The following FRMD4A variants were observed in gnomAD, a reference collection of about 807,000 sequenced individuals.
The protein encoded by FRMD4A is FERM domain containing 4A.
Under a neutral mutation model 129.1 loss-of-function variants are expected in FRMD4A, and 29 were observed. The ratio of observed to expected loss-of-function variants is 0.22; its 90% CI spans 0.17 to 0.31. FRMD4A has a LOEUF of 0.31. Ranked by LOEUF, FRMD4A falls within the 10% of genes least tolerant of loss-of-function variation. FRMD4A has a pLI of 1.00. For missense variants in FRMD4A, 1,272 were observed against 1,375.8 expected (o/e 0.92, Z 1.19); for synonymous variants, 634 against 571.6 (o/e 1.11, Z -1.56).
chr10:13,830,128 T>C (rs140488263), intron 3 of FRMD4A, among the ~76,000 whole-genome samples: 19 of 152,288 alleles, frequency 1.2e-4, no homozygotes, highest in African/African-American at 4.6e-4. Flanking sequence ...CATAACAGTG[T>C]GTCAGTCTGC....
intron 2 of FRMD4A, among the ~76,000 whole-genome samples, chr10:14,217,042 G>A (rs1358281890): frequency 6.6e-6 from 1 of 152,204 alleles, no homozygotes; most frequent in Non-Finnish European, 1.5e-5. Flanking sequence ...GAACAGGGGG[G>A]CATGGCCTCC....
At chr10:14,077,298 A>G (rs1277779142) in intron 2 of FRMD4A, among the ~76,000 whole-genome samples, 1 of 152,182 alleles carries the variant, frequency 6.6e-6, no homozygotes, top group East Asian at 1.9e-4. Context: ...TCTGGGAAGT[A>G]AGATTTGGAC....
intron 3 of FRMD4A, among the ~76,000 whole-genome samples, chr10:13,857,344 T>G (rs1650754400): frequency 6.6e-6 from 1 of 152,000 alleles, no homozygotes; most frequent in African/African-American, 2.4e-5. Flanking sequence ...CGAAAGACAA[T>G]GGTAAGTGGA....
In FRMD4A at chr10:13,951,890, A is replaced by AAATAATAATAATAAT. The variant is rs5783371; in HGVS notation, c.46-92993_46-92979dup. Reference sequence around the variant, plus strand: ...GGGCTACAGAGTGAGACTCTGTCTCAAATAATAATAATAATAATAATAATA... The same window carrying AAATAATAATAATAAT: ...GGGCTACAGAGTGAGACTCTGTCTCAAATAATAATAATAATAATAATAATAATAATAATAATAATA... On this transcript the variant is annotated intron_variant, in intron 2 of 24. Coordinates refer to ENST00000357447, the MANE Select transcript of FRMD4A (RefSeq NM_018027.5). Among the ~76,000 whole-genome samples the AAATAATAATAATAAT allele has an allele frequency of 8.3e-3, 1,062 of 127,628 alleles. 8 individuals carry two copies. Among genetic ancestry groups the AAATAATAATAATAAT allele is most frequent in the Admixed American group, 0.012 (149 of 12,554 alleles). 83.7% of individuals were successfully genotyped at this position (127,628 alleles called of 152,430 possible).
chr10:14,142,429 G>C (rs1035320839), intron 2 of FRMD4A, among the ~76,000 whole-genome samples: 1 of 152,326 alleles, frequency 6.6e-6, no homozygotes, highest in South Asian at 2.1e-4. Context: ...GCTTCTTAAA[G>C]TCTGACTACT....
intron 2 of FRMD4A, among the ~76,000 whole-genome samples, chr10:14,259,369 A>G (rs986326210): frequency 2.0e-5 from 3 of 152,180 alleles, no homozygotes; most frequent in Non-Finnish European, 4.4e-5. Context: ...TTTAATAATT[A>G]TATTACTGAA....
chr10:14,310,193 G>A (rs1016245747), intron 2 of FRMD4A, among the ~76,000 whole-genome samples: 61 of 152,060 alleles, frequency 4.0e-4, no homozygotes, highest in Admixed American at 7.2e-4. Flanking sequence ...TTGAGCTCTC[G>A]CCTTATTGGG....
At chr10:14,326,618 C>G (rs2132127839) in intron 2 of FRMD4A, 1 of 390,060 alleles carries the variant, frequency 2.6e-6, no homozygotes, top group South Asian at 1.4e-4. Flanking sequence ...TGAAGGTGAG[C>G]CTTTATAATC....
chr10:13,945,542 T>C lies in FRMD4A; in HGVS notation c.46-86630A>G, dbSNP rs1345589514. Among the ~76,000 whole-genome samples the C allele has an allele frequency of 3.3e-5, 5 of 152,160 alleles. No homozygotes were observed. In the East Asian group the frequency reaches 5.8e-4, roughly 18 times the overall value. On this transcript the variant is annotated intron_variant, in intron 2 of 24. Transcript: ENST00000357447. Reference sequence around the variant, plus strand: ...TTAATGGAACACAGTTCAAGTCTCATAAATGCTTAAATATGTAGTCGTAAA... The same window carrying C: ...TTAATGGAACACAGTTCAAGTCTCACAAATGCTTAAATATGTAGTCGTAAA...
At chr10:13,796,880 C>A (rs554543433) in intron 4 of FRMD4A, among the ~76,000 whole-genome samples, 1 of 152,042 alleles carries the variant, frequency 6.6e-6, no homozygotes, top group Non-Finnish European at 1.5e-5. Flanking sequence ...CCACCATGCC[C>A]GGCTAATTTT....
chr10:14,121,161 A>G (rs753912950), intron 2 of FRMD4A, among the ~76,000 whole-genome samples: 6 of 152,130 alleles, frequency 3.9e-5, no homozygotes, highest in African/African-American at 1.2e-4. Context: ...TGAGGTCAGG[A>G]GTTCAAGACT....
intron 4 of FRMD4A, among the ~76,000 whole-genome samples, chr10:13,805,538 A>C (rs1487068924): frequency 6.6e-6 from 1 of 152,230 alleles, no homozygotes; most frequent in Non-Finnish European, 1.5e-5. Context: ...ATTAAAATTT[A>C]AATAGATTAT....
At chr10:14,161,481 T>C (rs1840884664) in intron 2 of FRMD4A, among the ~76,000 whole-genome samples, 1 of 152,078 alleles carries the variant, frequency 6.6e-6, no homozygotes, top group South Asian at 2.1e-4. Context: ...TGAAATACTG[T>C]TTGGCCATAA....
At chr10:13,690,976 C>G (rs2085629828) in intron 15 of FRMD4A, among the ~76,000 whole-genome samples, 1 of 152,152 alleles carries the variant, frequency 6.6e-6, no homozygotes, top group South Asian at 2.1e-4. Context: ...CTTAAAGACA[C>G]TTGGATTTCA....
chr10:13,892,292 T>A (rs113704299), intron 2 of FRMD4A, among the ~76,000 whole-genome samples: 2 of 152,088 alleles, frequency 1.3e-5, no homozygotes, highest in African/African-American at 4.8e-5. Flanking sequence ...GCACAGCTCT[T>A]ACCCCTCGAT....
At chr10:13,829,893 C>G (rs1236225205) in intron 3 of FRMD4A, among the ~76,000 whole-genome samples, 2 of 152,184 alleles carry the variant, frequency 1.3e-5, no homozygotes, top group Non-Finnish European at 2.9e-5. Context: ...GGGGCCTGGC[C>G]AGGCCACTGG....
chr10:14,226,338 C>A (rs1456709228), intron 2 of FRMD4A, among the ~76,000 whole-genome samples: 1 of 152,180 alleles, frequency 6.6e-6, no homozygotes, highest in African/African-American at 2.4e-5. Flanking sequence ...CTGTACCTCT[C>A]TCCTTGGAGA....
chr10:13,648,560 TCAAAGGTGGC>T (rs1019433141), intron 24 of FRMD4A: 2 of 152,146 alleles, frequency 1.3e-5, no homozygotes, highest in African/African-American at 4.8e-5. Context: ...AATCCCTGGT[TCAAAGGTGGC>T]CACGTGCCTG....
At chr10:13,953,600 T>C (rs190106828) in intron 2 of FRMD4A, among the ~76,000 whole-genome samples, 2 of 152,328 alleles carry the variant, frequency 1.3e-5, no homozygotes, top group South Asian at 2.1e-4. Context: ...AGTAGCCATC[T>C]TGGTTCCCAG....
Sources: allele counts gnomAD v4.1 joint callset (sites outside exome capture counted in the v4.1 genomes callset), GRCh38; gene constraint gnomAD v4.1.1; transcripts MANE v1.5; gene names NCBI Gene and HGNC (gene_info 2026-07-23, HGNC 2026-07-21).